GLIS3: variants seen among roughly 807,000 people sequenced by gnomAD.
The protein encoded by GLIS3 is GLIS family zinc finger 3, also known as zinc finger protein GLIS3.
A neutral mutation model predicts 78.6 loss-of-function variants in GLIS3; 53 were observed. The observed-to-expected ratio is 0.67, with a 90% CI of 0.54 to 0.85. GLIS3 has a LOEUF of 0.85. Among genes scored for constraint, GLIS3 ranks in the 40% least tolerant of loss-of-function variants. The pLI is 0.00. For missense variants in GLIS3, 1,703 were observed against 1,231.1 expected (o/e 1.38, Z -5.74); for synonymous variants, 684 against 509.9 (o/e 1.34, Z -4.60).
At chr9:4,177,394 A>G (rs1816905085) in intron 2 of GLIS3, among the ~76,000 whole-genome samples, 1 of 152,194 alleles carries the variant, frequency 6.6e-6, no homozygotes, top group East Asian at 1.9e-4. Context: ...ACTTGGGGCT[A>G]ATCACTTTTA....
chr9:4,042,048 C>G (rs368730889), intron 4 of GLIS3, among the ~76,000 whole-genome samples: 6 of 152,194 alleles, frequency 3.9e-5, no homozygotes, highest in African/African-American at 1.4e-4. Flanking sequence ...GAGCAACTCT[C>G]AAGCTACAGG....
At chr9:4,063,508 T>C (rs1588578753) in intron 4 of GLIS3, among the ~76,000 whole-genome samples, 3 of 152,072 alleles carry the variant, frequency 2.0e-5, no homozygotes, top group Non-Finnish European at 2.9e-5. Flanking sequence ...CAGGTGATTG[T>C]CTCAATAGAG....
intron 4 of GLIS3, among the ~76,000 whole-genome samples, chr9:3,947,029 T>C (rs553395737): frequency 6.8e-6 from 1 of 146,462 alleles, no homozygotes; most frequent in Non-Finnish European, 1.6e-5. Context: ...GCCACGCCTC[T>C]GTCGGCCATC....
chr9:4,286,486 C>A lies in GLIS3; in HGVS notation c.-61G>T. On this transcript the variant is annotated 5_prime_UTR_variant, in exon 2 of 11. Coordinates refer to ENST00000381971, the MANE Select transcript of GLIS3 (RefSeq NM_001042413.2). ...AATGTCACTAATGACTCCTTTCAGGCAAAGTCCAATAAGTTATCCATGGTG... is the reference window on the plus strand; with the variant it reads ...AATGTCACTAATGACTCCTTTCAGGAAAAGTCCAATAAGTTATCCATGGTG... 6.3e-7 allele frequency: 1 copy of A among 1,594,702 alleles called. No homozygotes were observed. Among genetic ancestry groups the A allele is most frequent in the Non-Finnish European group, 8.6e-7 (1 of 1,168,338 alleles).
chr9:4,211,193 C>T (rs920020195), intron 2 of GLIS3, among the ~76,000 whole-genome samples: 9 of 152,130 alleles, frequency 5.9e-5, no homozygotes, highest in Non-Finnish European at 8.8e-5. Context: ...CAGATTGTGC[C>T]GAATACATGA....
At chr9:4,270,095 T>C (rs1005839451) in intron 2 of GLIS3, among the ~76,000 whole-genome samples, 1 of 152,208 alleles carries the variant, frequency 6.6e-6, no homozygotes, top group Non-Finnish European at 1.5e-5. Flanking sequence ...CATGTGATCC[T>C]GAACAATTTC....
chr9:4,027,963 C>T (rs1823487310), intron 4 of GLIS3, among the ~76,000 whole-genome samples: 2 of 152,288 alleles, frequency 1.3e-5, no homozygotes, highest in East Asian at 1.9e-4. Flanking sequence ...GTGAGAGTCA[C>T]GTCAAGTCCA....
chr9:4,138,609 G>A (rs1412997045), intron 2 of GLIS3, among the ~76,000 whole-genome samples: 1 of 152,104 alleles, frequency 6.6e-6, no homozygotes, highest in Non-Finnish European at 1.5e-5. Context: ...GGCAGCATGG[G>A]GGAAGCCGTA....
intron 2 of GLIS3, among the ~76,000 whole-genome samples, chr9:4,262,039 G>A (rs1435060102): frequency 6.6e-6 from 1 of 152,062 alleles, no homozygotes; most frequent in African/African-American, 2.4e-5. Context: ...TTCATGGAGA[G>A]GAAAATAAAA....
intron 4 of GLIS3, among the ~76,000 whole-genome samples, chr9:4,080,726 T>C (rs1284739822): frequency 5.9e-5 from 9 of 152,186 alleles, no homozygotes; most frequent in Non-Finnish European, 7.4e-5. Context: ...AAAACTGAAA[T>C]ACTAATGTCA....
Position 4,338,367 on chromosome 9 carries a change from TAC to T in GLIS3, n.264+8712_264+8713del, listed in dbSNP as rs556724177. Among the ~76,000 whole-genome samples the T allele has an allele frequency of 9.6e-3, 1,260 of 131,312 alleles. 12 individuals are homozygous for T. The highest frequency in any genetic ancestry group is 0.03 in the African/African-American group (1,012 of 34,132). The allele number at this position is 131,312 out of a possible 152,430, so 86.1% of individuals were successfully genotyped here. ...GATGGATTTCTATTATATATGTGTG[TAC>T]ACACACACACACACACACATACACA... On this transcript the variant is annotated intron_variant and non_coding_transcript_variant, in intron 2 of 4. Coordinates refer to the GLIS3 transcript ENST00000471664.
At chr9:4,009,261 CAA>C (rs1821806711) in intron 4 of GLIS3, among the ~76,000 whole-genome samples, 1 of 152,174 alleles carries the variant, frequency 6.6e-6, no homozygotes, top group African/African-American at 2.4e-5. Context: ...AGCCCGTGTG[CAA>C]AGACAGCCCC....
chr9:4,039,137 T>A (rs1361679174), intron 4 of GLIS3, among the ~76,000 whole-genome samples: 4 of 152,196 alleles, frequency 2.6e-5, no homozygotes, highest in African/African-American at 9.7e-5. Context: ...AGGACTCTTT[T>A]CACACCTAGG....
chr9:4,217,433 C>T (rs928780895), intron 2 of GLIS3, among the ~76,000 whole-genome samples: 4 of 152,278 alleles, frequency 2.6e-5, no homozygotes, highest in East Asian at 1.9e-4. Context: ...TCTTTCCAAG[C>T]GGGGACATCA....
chr9:4,179,116 G>A (rs551197528), intron 2 of GLIS3, among the ~76,000 whole-genome samples: 3 of 152,024 alleles, frequency 2.0e-5, no homozygotes, highest in Non-Finnish European at 2.9e-5. Context: ...GTTTCGCCTC[G>A]GTATCTTCCT....
intron 8 of GLIS3, among the ~76,000 whole-genome samples, chr9:3,871,438 C>T (rs1300437785): frequency 6.6e-6 from 1 of 152,238 alleles, no homozygotes; most frequent in African/African-American, 2.4e-5. Context: ...AGTAGAGGTT[C>T]TTCATGAGAG....
At chr9:4,008,529 C>T (rs1821738399) in intron 4 of GLIS3, among the ~76,000 whole-genome samples, 1 of 152,174 alleles carries the variant, frequency 6.6e-6, no homozygotes, top group African/African-American at 2.4e-5. Flanking sequence ...AGGTGACATA[C>T]CTCCAGGTGT....
chr9:4,369,916 G>A, the GLIS3 span, among the ~76,000 whole-genome samples: 1 of 152,310 alleles, frequency 6.6e-6, no homozygotes, highest in Non-Finnish European at 1.5e-5. Context: ...ATCAGGCTTG[G>A]CAAGGTGGCT....
intron 2 of GLIS3, among the ~76,000 whole-genome samples, chr9:4,129,068 G>A (rs1832774371): frequency 6.6e-6 from 1 of 152,152 alleles, no homozygotes; most frequent in African/African-American, 2.4e-5. Context: ...ATGGAAAATG[G>A]CAACATCTGT....
Sources: allele counts gnomAD v4.1 joint callset (sites outside exome capture counted in the v4.1 genomes callset), GRCh38; gene constraint gnomAD v4.1.1; transcripts MANE v1.5; gene names NCBI Gene and HGNC (gene_info 2026-07-23, HGNC 2026-07-21).